The following SH3GL3 variants were observed in gnomAD, a reference collection of about 807,000 sequenced individuals.
SH3GL3 encodes the protein endophilin-A3.
In SH3GL3, 33 loss-of-function variants were observed where a neutral mutation model predicts 47.7. The observed-to-expected ratio is 0.69, with a 90% CI of 0.52 to 0.92. The LOEUF (loss-of-function observed/expected upper bound fraction) is 0.92, where lower values mean the gene tolerates loss of function less well. Ranked by LOEUF, SH3GL3 falls within the 40% of genes least tolerant of loss-of-function variation. SH3GL3 has a pLI of 0.00. For synonymous variants in SH3GL3, 155 were observed against 148.8 expected (o/e 1.04, Z -0.30); for missense variants, 363 against 417.8 (o/e 0.87, Z 1.14).
At chr15:83,614,595 T>C (rs1246143190) in intron 8 of SH3GL3, among the ~76,000 whole-genome samples, 1 of 152,112 alleles carries the variant, frequency 6.6e-6, no homozygotes, top group Non-Finnish European at 1.5e-5. Context: ...AGGAAGGACC[T>C]GAGAAACAAA....
chr15:83,528,345 C>G (rs906337758), intron 1 of SH3GL3, among the ~76,000 whole-genome samples: 3 of 152,152 alleles, frequency 2.0e-5, no homozygotes, highest in Non-Finnish European at 4.4e-5. Flanking sequence ...TAATCTCTTG[C>G]TAGACTTGGG....
chr15:83,485,310 T>G (rs2151565966), intron 1 of SH3GL3, among the ~76,000 whole-genome samples: 1 of 152,338 alleles, frequency 6.6e-6, no homozygotes, highest in South Asian at 2.1e-4. Flanking sequence ...TCTTCTGTGT[T>G]CCTTCATATA....
At chr15:83,584,339 A>G (rs1327869667) in intron 6 of SH3GL3, among the ~76,000 whole-genome samples, 1 of 152,188 alleles carries the variant, frequency 6.6e-6, no homozygotes, top group Admixed American at 6.5e-5. Flanking sequence ...ACGTTCCAAA[A>G]TAATCTCTTC....
chr15:83,528,655 C>T (rs1042671454), intron 1 of SH3GL3, among the ~76,000 whole-genome samples: 18 of 151,796 alleles, frequency 1.2e-4, no homozygotes, highest in African/African-American at 4.1e-4. Flanking sequence ...CTGTTTTGTT[C>T]TTTTTTTCAT....
Position 83,605,026 on chromosome 15 carries a change from C to T in SH3GL3, c.839-13056C>T, listed in dbSNP as rs140113548. 2.3e-3 allele frequency among the ~76,000 whole-genome samples: 350 copies of T among 152,288 alleles called. 1 individual carries two copies. The highest frequency in any genetic ancestry group is 8.1e-3 in the African/African-American group (337 of 41,566). ...AGGTCTTTGGCTTCCTCATTGAGGCCACGCATGTCAGTGCTTTGTCCCCTC... is the reference window on the plus strand; with the variant it reads ...AGGTCTTTGGCTTCCTCATTGAGGCTACGCATGTCAGTGCTTTGTCCCCTC... On this transcript the variant is annotated intron_variant, in intron 8 of 8. Coordinates refer to ENST00000427482, the MANE Select transcript of SH3GL3 (RefSeq NM_003027.5).
At chr15:83,457,847 T>A (rs1295911409) in intron 1 of SH3GL3, among the ~76,000 whole-genome samples, 1 of 152,208 alleles carries the variant, frequency 6.6e-6, no homozygotes, top group Non-Finnish European at 1.5e-5. Flanking sequence ...TATAATACAA[T>A]CCATATATTT....
rs1476308847 is a variant in SH3GL3, at chr15:83,448,295, G to A, written c.45+717G>A. Among the ~76,000 whole-genome samples, 2 of 152,152 alleles carry A rather than the reference G, an allele frequency of 1.3e-5. No individual in the cohort carries two copies. Among genetic ancestry groups the A allele is most frequent in the Non-Finnish European group, 2.9e-5 (2 of 68,028 alleles). ...CAGAGGATGACAAATAACACAGTGG[G>A]GGCGTCAGGGAGAGCTTCCCGGAGG... On this transcript the variant is annotated intron_variant, in intron 1 of 8. Transcript: ENST00000427482. This position sits in a 1 kb window ranked among gnomAD's most constrained non-coding sequence, Gnocchi z 4.2.
intron 1 of SH3GL3, among the ~76,000 whole-genome samples, chr15:83,462,670 T>C (rs529691269): frequency 6.6e-6 from 1 of 152,378 alleles, no homozygotes; most frequent in African/African-American, 2.4e-5. Flanking sequence ...TTTAAAAATA[T>C]GTACCTGATG....
intron 8 of SH3GL3, among the ~76,000 whole-genome samples, chr15:83,616,423 T>C (rs1361772038): frequency 6.6e-6 from 1 of 151,906 alleles, no homozygotes; most frequent in Non-Finnish European, 1.5e-5. Flanking sequence ...CCGGCTAATT[T>C]TTTTGTATTT....
chr15:83,521,991 A>G (rs546221969), intron 1 of SH3GL3, among the ~76,000 whole-genome samples: 20 of 152,214 alleles, frequency 1.3e-4, no homozygotes, highest in African/African-American at 4.3e-4. Flanking sequence ...TAGTGGTGCT[A>G]TGTCGGGGAG....
intron 1 of SH3GL3, among the ~76,000 whole-genome samples, chr15:83,480,563 G>A (rs908670175): frequency 4.6e-5 from 7 of 152,198 alleles, no homozygotes; most frequent in Non-Finnish European, 5.9e-5. Context: ...GGCTGAGGTA[G>A]AATACAGCTT....
intron 8 of SH3GL3, among the ~76,000 whole-genome samples, chr15:83,607,304 C>T (rs1334091978): frequency 6.6e-6 from 1 of 152,128 alleles, no homozygotes; most frequent in Non-Finnish European, 1.5e-5. Flanking sequence ...TCAGTTGTTT[C>T]CTGGGATTAC....
At chr15:83,556,779 G>T (rs1035493135) in intron 1 of SH3GL3, among the ~76,000 whole-genome samples, 3 of 152,198 alleles carry the variant, frequency 2.0e-5, no homozygotes, top group African/African-American at 7.2e-5. Context: ...CAGCAATTTG[G>T]GCTGGGAGCA....
At chr15:83,465,500 T>A (rs1318363596) in intron 1 of SH3GL3, among the ~76,000 whole-genome samples, 1 of 151,962 alleles carries the variant, frequency 6.6e-6, no homozygotes, top group African/African-American at 2.4e-5. Flanking sequence ...AGCCGCTTTT[T>A]GCTCCCTTGG....
At chr15:83,559,189 T>C (rs1192203992) in intron 1 of SH3GL3, 64 bp from the exon 2 acceptor site, 1 of 948,516 alleles carries the variant, frequency 1.1e-6, no homozygotes, top group Non-Finnish European at 1.6e-6. Context: ...TTTTTAATAA[T>C]TTAGGTAAAA....
intron 1 of SH3GL3, among the ~76,000 whole-genome samples, chr15:83,529,562 C>G (rs1332705846): frequency 1.3e-5 from 2 of 152,064 alleles, no homozygotes; most frequent in South Asian, 2.1e-4. Context: ...GCACTCAAGT[C>G]AGGGGTGGTT....
chr15:83,465,050 G>GA (rs767469631), intron 1 of SH3GL3, among the ~76,000 whole-genome samples: 11 of 144,716 alleles, frequency 7.6e-5, no homozygotes, highest in South Asian at 4.4e-4. Flanking sequence ...GCTCATGTGG[G>GA]AAAAAAAAAA....
chr15:83,579,591 G>A (rs980404361), intron 6 of SH3GL3, among the ~76,000 whole-genome samples: 1 of 152,148 alleles, frequency 6.6e-6, no homozygotes, highest in Non-Finnish European at 1.5e-5. Context: ...GGTGGTGATC[G>A]TGATAATGAT....
intron 8 of SH3GL3, among the ~76,000 whole-genome samples, chr15:83,605,758 C>G (rs899828245): frequency 6.6e-6 from 1 of 152,164 alleles, no homozygotes; most frequent in African/African-American, 2.4e-5. Flanking sequence ...AAACGAGTGC[C>G]TGTCCAAGCC....
Sources: gnomAD v4.1 joint callset for allele counts (sites outside exome capture counted in the v4.1 genomes callset) on GRCh38, gnomAD v4.1.1 for gene constraint, Gnocchi (gnomAD v3.1) non-coding constraint, MANE v1.5 for transcripts, NCBI Gene and HGNC (gene_info 2026-07-23, HGNC 2026-07-21) for gene names.